The following PIGL variants were observed in gnomAD, a reference collection of about 807,000 sequenced individuals.
The protein encoded by PIGL is N-acetylglucosaminyl-phosphatidylinositol de-N-acetylase.
Under a neutral mutation model 31.1 loss-of-function variants are expected in PIGL, and 22 were observed. That is an observed-to-expected ratio of 0.71 (90% CI 0.51 to 1.01). The LOEUF is 1.01. Among genes scored for constraint, PIGL ranks in the 50% least tolerant of loss-of-function variants. The probability of loss-of-function intolerance (pLI) is 0.00; values close to 1 mark genes in which losing one functional copy is unlikely to be tolerated. For missense variants in PIGL, 302 were observed against 315.9 expected, an observed-to-expected ratio of 0.96 and a Z score of 0.33; for synonymous variants, 131 against 117.4, an observed-to-expected ratio of 1.12 and a Z score of -0.75.
At chr17:16,308,953 A>C (rs557564989) in intron 3 of PIGL, among the ~76,000 whole-genome samples, 19 of 152,038 alleles carry the variant, frequency 1.2e-4, no homozygotes, top group Non-Finnish European at 2.4e-4. Context: ...GGCCCAGCTA[A>C]TTAAAAAAAT....
intron 2 of PIGL, among the ~76,000 whole-genome samples, chr17:16,257,602 A>AATGTATCATATAT (rs2092799706): frequency 6.6e-6 from 1 of 151,940 alleles, no homozygotes; most frequent in Non-Finnish European, 1.5e-5. Flanking sequence ...AATAGGCAGG[A>AATGTATCATATAT]ATGTATCATA....
intron 1 of PIGL, among the ~76,000 whole-genome samples, chr17:16,228,050 C>CTT (rs113533456): frequency 3.0e-4 from 38 of 127,826 alleles, no homozygotes; most frequent in East Asian, 1.2e-3. Context: ...CCATTTTAAA[C>CTT]TTTTTTTTTT....
At chr17:16,229,073 C>T (rs2092666680) in intron 1 of PIGL, among the ~76,000 whole-genome samples, 2 of 151,978 alleles carry the variant, frequency 1.3e-5, no homozygotes, top group Admixed American at 6.6e-5. Context: ...GAGTTCAAGA[C>T]CAGTCTGGAC....
At chr17:16,223,899 C>G (rs948241715) in intron 1 of PIGL, among the ~76,000 whole-genome samples, 20 of 151,964 alleles carry the variant, frequency 1.3e-4, no homozygotes, top group African/African-American at 4.8e-4. Flanking sequence ...CTCAACAACC[C>G]TGTCTTAATT....
chr17:16,221,245 T>G (rs1170478686), intron 1 of PIGL, among the ~76,000 whole-genome samples: 1 of 152,158 alleles, frequency 6.6e-6, no homozygotes, highest in African/African-American at 2.4e-5. Context: ...ACCTGTAATA[T>G]TTTGCAAATA....
intron 2 of PIGL, among the ~76,000 whole-genome samples, chr17:16,299,193 G>A (rs1017003136): frequency 2.0e-5 from 3 of 151,694 alleles, no homozygotes; most frequent in Non-Finnish European, 4.4e-5. Context: ...AGGCGACAGA[G>A]CAGTAATCCC....
intron 2 of PIGL, among the ~76,000 whole-genome samples, chr17:16,282,990 T>C (rs1036850780): frequency 6.8e-6 from 1 of 148,036 alleles, no homozygotes. Flanking sequence ...CGAGACCCCA[T>C]GTCTACCAAA....
At chr17:16,320,533 AGAAG>A (rs545055209) in intron 6 of PIGL, among the ~76,000 whole-genome samples, 1,942 of 145,428 alleles carry the variant, frequency 0.013, 24 homozygotes, top group African/African-American at 0.039. Context: ...AAAGAAAAGA[AGAAG>A]GAAGGAAGGA....
At chr17:16,277,501 G>A (rs533358804) in intron 2 of PIGL, among the ~76,000 whole-genome samples, 5 of 151,424 alleles carry the variant, frequency 3.3e-5, no homozygotes, top group South Asian at 2.1e-4. Flanking sequence ...GATCAGCAAC[G>A]TTTTAAGCCA....
chr17:16,293,682 G>A (rs17779879), intron 2 of PIGL, among the ~76,000 whole-genome samples: 14,895 of 152,198 alleles, frequency 0.098, 971 homozygotes, highest in South Asian at 0.15. Flanking sequence ...CCTTGCATAG[G>A]GTAGAAGCAC....
chr17:16,237,646 C>T lies in PIGL; in HGVS notation c.335+3576C>T, dbSNP rs977945429. Among the ~76,000 whole-genome samples the T allele has an allele frequency of 3.1e-4, 46 of 150,462 alleles. 1 individual carries two copies. The highest frequency in any genetic ancestry group is 2.7e-3 in the Admixed American group (41 of 15,052). ...TGAAACCCCGTCTCTACTAAAAATA[C>T]AAAAATTAGCTGGGCATGGTGGCAT... On this transcript the variant is annotated intron_variant, in intron 2 of 6. Coordinates refer to ENST00000225609, the MANE Select transcript of PIGL (RefSeq NM_004278.4).
At chr17:16,311,613 G>A (rs2093050882) in intron 3 of PIGL, among the ~76,000 whole-genome samples, 1 of 148,562 alleles carries the variant, frequency 6.7e-6, no homozygotes, top group Non-Finnish European at 1.5e-5. Flanking sequence ...GCGGCCTTCC[G>A]CAGTGTTTGT....
At chr17:16,264,669 CT>C (rs2092834738) in intron 2 of PIGL, among the ~76,000 whole-genome samples, 1 of 150,792 alleles carries the variant, frequency 6.6e-6, no homozygotes, top group Non-Finnish European at 1.5e-5. Flanking sequence ...GAGTCTCACT[CT>C]TGCCCAGGCT....
intron 2 of PIGL, among the ~76,000 whole-genome samples, chr17:16,256,902 G>T (rs528838456): frequency 9.8e-4 from 147 of 150,668 alleles, no homozygotes; most frequent in Non-Finnish European, 1.4e-3. Context: ...GCCTAGGCTG[G>T]TCTTGAACTC....
chr17:16,313,685 A>G lies in PIGL; in HGVS notation c.494+71A>G. The G allele has an allele frequency of 9.0e-6, 11 of 1,226,952 alleles. No individual in the cohort carries two copies. In the South Asian group the frequency reaches 1.2e-4, roughly 13 times the overall value. The allele number at this position is 1,226,952 out of a possible 1,614,324, so 76.0% of individuals were successfully genotyped here. A position where few individuals can be genotyped will look rare whatever the true frequency, so the allele number is the denominator to read the frequency against. ...GATTAGGGCTCATGGTTTAAAGTCT[A>G]AAGCACTTTCCCACTTGTTATCTGA... On this transcript the variant is annotated intron_variant, in intron 4 of 6. Coordinates refer to ENST00000225609, the MANE Select transcript of PIGL (RefSeq NM_004278.4).
intron 1 of PIGL, among the ~76,000 whole-genome samples, chr17:16,227,773 T>C (rs2092659149): frequency 6.6e-6 from 1 of 151,148 alleles, no homozygotes; most frequent in South Asian, 2.1e-4. Context: ...AAAGACTGGG[T>C]TTCTCCATGT....
At chr17:16,307,326 C>CAT (rs2093030325) in intron 3 of PIGL, among the ~76,000 whole-genome samples, 1 of 152,154 alleles carries the variant, frequency 6.6e-6, no homozygotes, top group Admixed American at 6.5e-5. Flanking sequence ...CTTGCTAGGC[C>CAT]ATAGGGTGTG....
chr17:16,274,336 G>T (rs780023150), intron 2 of PIGL, among the ~76,000 whole-genome samples: 1 of 152,122 alleles, frequency 6.6e-6, no homozygotes, highest in African/African-American at 2.4e-5. Flanking sequence ...GTTCTCTTGC[G>T]GATCTCAGCT....
chr17:16,260,897 A>ATCAGGAGG (rs1379484504), intron 2 of PIGL, among the ~76,000 whole-genome samples: 1 of 152,110 alleles, frequency 6.6e-6, no homozygotes, highest in Non-Finnish European at 1.5e-5. Context: ...AGGTGGGCAG[A>ATCAGGAGG]TCAGGAGGTC....
Sources: allele counts gnomAD v4.1 joint callset (sites outside exome capture counted in the v4.1 genomes callset), GRCh38; gene constraint gnomAD v4.1.1; transcripts MANE v1.5; gene names NCBI Gene and HGNC (gene_info 2026-07-23, HGNC 2026-07-21).